MYO3B: variants seen among roughly 807,000 people sequenced by gnomAD.
MYO3B encodes myosin IIIB.
MYO3B carries 156 observed loss-of-function variants against 174.6 expected under a neutral mutation model. That is an observed-to-expected ratio of 0.89 (90% CI 0.78 to 1.02). The LOEUF (loss-of-function observed/expected upper bound fraction) is 1.02. MYO3B is among the 50% of genes least tolerant of loss of function. The pLI, the probability that MYO3B is intolerant of heterozygous loss-of-function variation, is 0.00. For missense variants in MYO3B, 1,632 were observed against 1,639.4 expected (o/e 1.00, Z 0.08); for synonymous variants, 563 against 569.1 (o/e 0.99, Z 0.15).
intron 32 of MYO3B, among the ~76,000 whole-genome samples, chr2:170,650,128 G>A (rs1348367817): frequency 7.1e-6 from 1 of 141,180 alleles, no homozygotes; most frequent in Non-Finnish European, 1.5e-5. Context: ...TGCCTCCCAG[G>A]TTCAAGTGAT....
At chr2:170,261,258 A>C (rs192829981) in intron 7 of MYO3B, among the ~76,000 whole-genome samples, 9 of 152,150 alleles carry the variant, frequency 5.9e-5, no homozygotes, top group Non-Finnish European at 1.3e-4. Context: ...TCCTGGCCTC[A>C]AGGGATCCCA....
At chr2:170,596,648 C>T (rs981239199) in intron 32 of MYO3B, among the ~76,000 whole-genome samples, 4 of 152,180 alleles carry the variant, frequency 2.6e-5, no homozygotes, top group Admixed American at 6.5e-5. Context: ...TTCCTCTGTT[C>T]TTTTTCCACC....
intron 8 of MYO3B, among the ~76,000 whole-genome samples, chr2:170,358,156 A>AC (rs545271189): frequency 3.5e-4 from 54 of 152,146 alleles, no homozygotes; most frequent in Admixed American, 2.4e-3. Context: ...CCTTCTCAAA[A>AC]AAAAAAACAA....
chr2:170,546,621 T>C (rs562461052), intron 32 of MYO3B, among the ~76,000 whole-genome samples: 3 of 152,346 alleles, frequency 2.0e-5, no homozygotes, highest in Admixed American at 2.0e-4. Context: ...GAATTCCCCT[T>C]GATCTTAGAA....
chr2:170,239,295 C>T (rs901781979), intron 7 of MYO3B, among the ~76,000 whole-genome samples: 4 of 152,168 alleles, frequency 2.6e-5, no homozygotes, highest in Non-Finnish European at 4.4e-5. Context: ...GATATAATTG[C>T]AAGAATCAAT....
rs769243145 is a variant in MYO3B at position 170,372,118 on chromosome 2, C to CAAAAAAAAAAAA, written c.971+2757_971+2768dup. Among the ~76,000 whole-genome samples, 41 of 22,184 alleles carry CAAAAAAAAAAAA rather than the reference C, an allele frequency of 1.8e-3. 1 individual carries two copies. The highest frequency in any genetic ancestry group is 0.013 in the East Asian group (5 of 374). The allele number at this position is 22,184 out of a possible 152,430, so 14.6% of individuals were successfully genotyped here. On this transcript the variant is annotated intron_variant, in intron 9 of 34. Coordinates refer to ENST00000408978, the MANE Select transcript of MYO3B (RefSeq NM_138995.5). Reference sequence around the variant, plus strand: ...TGGGCAACAGAGTGAGACCCTGTCTCAAAAAAAAAAAAAAAAAAAAAAAAA... The same window carrying CAAAAAAAAAAAA: ...TGGGCAACAGAGTGAGACCCTGTCTCAAAAAAAAAAAAAAAAAAAAAAAAAAAAAAAAAAAAA...
At chr2:170,556,801 C>T (rs1460620685) in intron 32 of MYO3B, among the ~76,000 whole-genome samples, 1 of 152,198 alleles carries the variant, frequency 6.6e-6, no homozygotes, top group Non-Finnish European at 1.5e-5. Flanking sequence ...GGATTACAGG[C>T]GTGAGCCACT....
At chr2:170,354,623 C>G (rs78646112) in intron 8 of MYO3B, among the ~76,000 whole-genome samples, 1 of 152,192 alleles carries the variant, frequency 6.6e-6, no homozygotes, top group Admixed American at 6.5e-5. Context: ...CCCCCTCCCC[C>G]TTCTTTCCCA....
chr2:170,637,544 C>G (rs1328918248), intron 32 of MYO3B, among the ~76,000 whole-genome samples: 3 of 152,040 alleles, frequency 2.0e-5, no homozygotes, highest in African/African-American at 7.2e-5. Flanking sequence ...AATCTTGAGT[C>G]CAGTGGAGAA....
intron 32 of MYO3B, among the ~76,000 whole-genome samples, chr2:170,555,356 C>T (rs950160678): frequency 6.6e-6 from 1 of 152,136 alleles, no homozygotes; most frequent in African/African-American, 2.4e-5. Context: ...GACCTGTATT[C>T]ATCATGACAG....
intron 32 of MYO3B, among the ~76,000 whole-genome samples, chr2:170,622,346 A>G (rs1695994866): frequency 6.6e-6 from 1 of 152,204 alleles, no homozygotes; most frequent in Non-Finnish European, 1.5e-5. Context: ...TGAATTAGAA[A>G]TGAATCAAAA....
intron 23 of MYO3B, among the ~76,000 whole-genome samples, chr2:170,452,038 A>G (rs1204206574): frequency 6.6e-6 from 1 of 152,120 alleles, no homozygotes; most frequent in Non-Finnish European, 1.5e-5. Flanking sequence ...GAAGGTGGGG[A>G]TGTTTGCACA....
At chr2:170,203,498 C>CGGGG (rs1278855339) in intron 3 of MYO3B, among the ~76,000 whole-genome samples, 2 of 13,430 alleles carry the variant, frequency 1.5e-4, no homozygotes, top group Non-Finnish European at 5.2e-4. Context: ...AAGGGGGCGG[C>CGGGG]GGGGGGGGGA....
intron 18 of MYO3B, among the ~76,000 whole-genome samples, chr2:170,401,975 G>A (rs2094480459): frequency 6.6e-6 from 1 of 151,958 alleles, no homozygotes; most frequent in Admixed American, 6.5e-5. Flanking sequence ...GCTAATTTAG[G>A]CATTCTCTTT....
At chr2:170,191,831 C>CT (rs1330921732) in intron 1 of MYO3B, among the ~76,000 whole-genome samples, 5 of 152,238 alleles carry the variant, frequency 3.3e-5, no homozygotes, top group Admixed American at 1.3e-4. Context: ...TATGAAGGTG[C>CT]TTTTTTGTGT....
At chr2:170,501,679 G>A in intron 27 of MYO3B, 106 bp from the exon 28 acceptor site, 3 of 698,694 alleles carry the variant, frequency 4.3e-6, no homozygotes, top group South Asian at 1.8e-5. Context: ...GAAAGCAGGA[G>A]GGAGGATGAG....
intron 7 of MYO3B, among the ~76,000 whole-genome samples, chr2:170,286,924 T>C (rs1337530661): frequency 6.6e-6 from 1 of 152,128 alleles, no homozygotes; most frequent in Non-Finnish European, 1.5e-5. Flanking sequence ...ATTTACTCTC[T>C]GTCTTTATGA....
chr2:170,628,898 C>T (rs1421393866), intron 32 of MYO3B, among the ~76,000 whole-genome samples: 2 of 152,052 alleles, frequency 1.3e-5, no homozygotes. Context: ...AACCCTATAA[C>T]TCTGATCAGG....
chr2:170,638,695 TCA>T (rs894299503), intron 32 of MYO3B, among the ~76,000 whole-genome samples: 3 of 152,182 alleles, frequency 2.0e-5, no homozygotes, highest in African/African-American at 7.2e-5. Context: ...ACACAGATGT[TCA>T]CACACTGGGA....
Sources: gnomAD v4.1 joint callset for allele counts (sites outside exome capture counted in the v4.1 genomes callset) on GRCh38, gnomAD v4.1.1 for gene constraint, MANE v1.5 for transcripts, NCBI Gene and HGNC (gene_info 2026-07-23, HGNC 2026-07-21) for gene names.